The following FER variants were observed in gnomAD, a reference collection of about 807,000 sequenced individuals.
FER encodes FER tyrosine kinase, also known as tyrosine-protein kinase Fer.
FER carries 63 observed loss-of-function variants against 111.0 expected under a neutral mutation model. That is an observed-to-expected ratio of 0.57 (90% CI 0.46 to 0.70). The LOEUF is 0.70. FER is among the 30% of genes least tolerant of loss of function. The probability of loss-of-function intolerance (pLI) is 0.00; values close to 1 mark genes in which losing one functional copy is unlikely to be tolerated. For synonymous variants in FER, 327 were observed against 313.9 expected, an observed-to-expected ratio of 1.04 and a Z score of -0.44; for missense variants, 914 against 954.0, an observed-to-expected ratio of 0.96 and a Z score of 0.55.
intron 10 of FER, among the ~76,000 whole-genome samples, chr5:108,906,117 A>T (rs1380943481): frequency 6.6e-6 from 1 of 152,154 alleles, no homozygotes; most frequent in Non-Finnish European, 1.5e-5. Flanking sequence ...GTAAAATGAG[A>T]TTACTGTGTT....
At chr5:109,044,247 C>G (rs1771618975) in intron 14 of FER, among the ~76,000 whole-genome samples, 1 of 151,012 alleles carries the variant, frequency 6.6e-6, no homozygotes, top group African/African-American at 2.4e-5. Flanking sequence ...GGCGCAATCT[C>G]TGTTCACTGC....
At chr5:108,866,559 C>T (rs1764087684) in intron 5 of FER, among the ~76,000 whole-genome samples, 1 of 151,132 alleles carries the variant, frequency 6.6e-6, no homozygotes, top group Non-Finnish European at 1.5e-5. Flanking sequence ...ATGTTGTGCA[C>T]ATGTACCCTA....
chr5:108,962,832 A>C (rs1251576311), intron 13 of FER, among the ~76,000 whole-genome samples: 1 of 152,202 alleles, frequency 6.6e-6, no homozygotes, highest in Non-Finnish European at 1.5e-5. Flanking sequence ...TGAATTCCCC[A>C]AGAAAACAGA....
At chr5:109,125,583 A>T (rs1478837767) in intron 17 of FER, among the ~76,000 whole-genome samples, 1 of 152,232 alleles carries the variant, frequency 6.6e-6, no homozygotes, top group Non-Finnish European at 1.5e-5. Flanking sequence ...TAGCACTTAT[A>T]GAAGATTGGT....
intron 1 of FER, among the ~76,000 whole-genome samples, chr5:108,761,092 G>A (rs1327858897): frequency 6.6e-6 from 1 of 151,944 alleles, no homozygotes; most frequent in Non-Finnish European, 1.5e-5. Flanking sequence ...CACCACGCCA[G>A]CTAATTTTTG....
intron 13 of FER, among the ~76,000 whole-genome samples, chr5:108,984,774 C>A (rs1439129802): frequency 6.6e-6 from 1 of 151,912 alleles, no homozygotes; most frequent in Admixed American, 6.6e-5. Context: ...TTCTCTCAAT[C>A]CGTGGTGGTG....
intron 13 of FER, among the ~76,000 whole-genome samples, chr5:109,017,554 G>A (rs751289271): frequency 4.6e-5 from 7 of 151,836 alleles, no homozygotes; most frequent in Non-Finnish European, 1.0e-4. Context: ...TTGAAATAAT[G>A]TAATTCATAA....
At chr5:108,999,708 T>G (rs1316264006) in intron 13 of FER, among the ~76,000 whole-genome samples, 45 of 10,286 alleles carry the variant, frequency 4.4e-3, no homozygotes, top group African/African-American at 6.6e-3. Context: ...ATTCTTACTA[T>G]TTTTTTTTTT....
intron 13 of FER, among the ~76,000 whole-genome samples, chr5:108,993,709 G>A (rs1763630600): frequency 6.6e-6 from 1 of 151,808 alleles, no homozygotes; most frequent in South Asian, 2.1e-4. Context: ...AGTTGAGGAT[G>A]GTTCTTCTGA....
intron 5 of FER, among the ~76,000 whole-genome samples, chr5:108,844,098 G>A (rs200685877): frequency 4.0e-4 from 52 of 129,088 alleles, no homozygotes; most frequent in South Asian, 7.3e-4. Flanking sequence ...GTGAACATAT[G>A]TGTGTGAACA....
At chr5:108,907,127 A>G (rs1440960121) in intron 10 of FER, among the ~76,000 whole-genome samples, 1 of 152,186 alleles carries the variant, frequency 6.6e-6, no homozygotes, top group African/African-American at 2.4e-5. Flanking sequence ...TGTAAAAACA[A>G]TATACAGCTC....
chr5:108,840,316 T>C (rs1024267946), intron 5 of FER, among the ~76,000 whole-genome samples: 2 of 152,220 alleles, frequency 1.3e-5, no homozygotes, highest in African/African-American at 4.8e-5. Context: ...GGTGTAAAAG[T>C]AATAGCTATT....
rs199547898 is a variant in FER at position 109,014,512 on chromosome 5, G to T, written c.1657-22910G>T. Reference sequence around the variant, plus strand: ...TTGTAGTATAGTTTGAAGTCAGGTAGCGTGATGCCTCCAGCTTTGTTCTTT... The same window carrying T: ...TTGTAGTATAGTTTGAAGTCAGGTATCGTGATGCCTCCAGCTTTGTTCTTT... On this transcript the variant is annotated intron_variant, in intron 13 of 19. Coordinates refer to ENST00000281092, the MANE Select transcript of FER (RefSeq NM_005246.4). Among the ~76,000 whole-genome samples the T allele has an allele frequency of 2.3e-3, 355 of 152,118 alleles. 1 individual carries two copies. The highest frequency in any genetic ancestry group is 7.3e-3 in the African/African-American group (302 of 41,508).
chr5:108,764,893 A>G (rs896009424), intron 1 of FER, among the ~76,000 whole-genome samples: 1 of 152,144 alleles, frequency 6.6e-6, no homozygotes, highest in Non-Finnish European at 1.5e-5. Flanking sequence ...AAAATATGAG[A>G]CATAATCACT....
Position 108,812,294 on chromosome 5 carries a change from TCTC to T in FER, c.207+13909_207+13911del, listed in dbSNP as rs908172677. On this transcript the variant is annotated intron_variant, in intron 3 of 19. Transcript: ENST00000281092. The stretch of plus-strand genomic sequence containing the variant: ...TGGGAAATGTTTAGGATTTTTATTT[TCTC>T]CTCATTAATTAGGCCCTTTATCACT... Among the ~76,000 whole-genome samples the T allele has an allele frequency of 3.5e-4, 54 of 152,356 alleles. 1 individual carries two copies. The highest frequency in any genetic ancestry group is 1.3e-3 in the African/African-American group (53 of 41,584).
intron 2 of FER, among the ~76,000 whole-genome samples, chr5:108,770,525 A>C (rs565979762): frequency 6.6e-6 from 1 of 152,218 alleles, no homozygotes; most frequent in African/African-American, 2.4e-5. Context: ...CCCAGGCTGG[A>C]GTGCAGTTGC....
intron 17 of FER, among the ~76,000 whole-genome samples, chr5:109,101,248 G>A (rs973916649): frequency 1.3e-5 from 2 of 151,922 alleles, no homozygotes; most frequent in African/African-American, 4.8e-5. Flanking sequence ...ACAATGAAGT[G>A]GAGAACTGAT....
Position 108,998,297 on chromosome 5 carries a change from C to G in FER, c.1656+38950C>G, listed in dbSNP as rs557486740. 3.3e-5 allele frequency among the ~76,000 whole-genome samples: 5 copies of G among 152,088 alleles called. No individual in the cohort carries two copies. The East Asian group carries it at 7.7e-4, about 23-fold the overall frequency. On this transcript the variant is annotated intron_variant, in intron 13 of 19. Transcript: ENST00000281092. ...GTTGCCTAGCCACCTGAGGGAATCT[C>G]CTGGTCTGCGGATTGTGAAGACTGG...
At chr5:108,858,877 G>A (rs1763254764) in intron 5 of FER, among the ~76,000 whole-genome samples, 1 of 148,878 alleles carries the variant, frequency 6.7e-6, no homozygotes, top group African/African-American at 2.5e-5. Context: ...TCCTACATAT[G>A]GACATATAGC....
Sources: gnomAD v4.1 joint callset for allele counts (sites outside exome capture counted in the v4.1 genomes callset) on GRCh38, gnomAD v4.1.1 for gene constraint, MANE v1.5 for transcripts, NCBI Gene and HGNC (gene_info 2026-07-23, HGNC 2026-07-21) for gene names.